The following RIMS2 variants were observed in gnomAD, a reference collection of about 807,000 sequenced individuals.
The protein encoded by RIMS2 is regulating synaptic membrane exocytosis protein 2.
Under a neutral mutation model 174.4 loss-of-function variants are expected in RIMS2, and 59 were observed. The observed-to-expected ratio is 0.34, with a 90% CI of 0.27 to 0.42. The LOEUF is 0.42. Ranked by LOEUF, RIMS2 falls within the 10% of genes least tolerant of loss-of-function variation. RIMS2 has a pLI of 1.00. For missense variants in RIMS2, 1,620 were observed against 1,666.3 expected (o/e 0.97, Z 0.48); for synonymous variants, 606 against 572.5 (o/e 1.06, Z -0.84).
chr8:104,205,932 T>G (rs1320229353), intron 19 of RIMS2, among the ~76,000 whole-genome samples: 5 of 152,026 alleles, frequency 3.3e-5, no homozygotes, highest in South Asian at 2.1e-4. Flanking sequence ...ATTTTTATAT[T>G]TTTAGTAGAG....
At chr8:103,776,991 A>G (rs2098325595) in intron 3 of RIMS2, among the ~76,000 whole-genome samples, 1 of 152,130 alleles carries the variant, frequency 6.6e-6, no homozygotes, top group Non-Finnish European at 1.5e-5. Flanking sequence ...GACATTTTAA[A>G]AGGCATTTTA....
intron 1 of RIMS2, among the ~76,000 whole-genome samples, chr8:103,619,744 T>G (rs1390567270): frequency 6.6e-6 from 1 of 152,046 alleles, no homozygotes; most frequent in Non-Finnish European, 1.5e-5. Context: ...ACCTCTACCA[T>G]CAGTACTCAA....
chr8:104,018,856 C>CTG (rs1166038676), intron 19 of RIMS2, among the ~76,000 whole-genome samples: 3 of 152,140 alleles, frequency 2.0e-5, no homozygotes, highest in Non-Finnish European at 4.4e-5. Flanking sequence ...CAATATTACT[C>CTG]TAACATTTAT....
At chr8:103,626,156 A>C (rs1021673942) in intron 1 of RIMS2, among the ~76,000 whole-genome samples, 1 of 152,152 alleles carries the variant, frequency 6.6e-6, no homozygotes, top group African/African-American at 2.4e-5. Context: ...ATTTAAATAT[A>C]TATGTTAACT....
chr8:103,594,637 T>G (rs2094413915), intron 1 of RIMS2, among the ~76,000 whole-genome samples: 2 of 151,790 alleles, frequency 1.3e-5, no homozygotes, highest in South Asian at 4.1e-4. Flanking sequence ...ATCAACTGTA[T>G]TTGTGTTCTC....
chr8:104,013,891 T>G (rs959039563), intron 18 of RIMS2, among the ~76,000 whole-genome samples: 3 of 152,234 alleles, frequency 2.0e-5, no homozygotes, highest in Non-Finnish European at 1.5e-5. Context: ...TCATTAACTG[T>G]CATGTTCCTC....
rs982834743 is a variant in RIMS2 at position 104,077,585 on chromosome 8, G to C, written c.3334+62970G>C. Among the ~76,000 whole-genome samples, 5 of 149,740 alleles carry C rather than the reference G, an allele frequency of 3.3e-5. No homozygotes were observed. In the South Asian group the frequency reaches 1.1e-3, roughly 32 times the overall value. ...ATCTAAATATCTGTCTATTGGTATA[G>C]ATATACCTGTAGGCAGATATAAAAT... On this transcript the variant is annotated intron_variant, in intron 19 of 23. Transcript: ENST00000504942.
chr8:104,060,053 C>T (rs910211561), intron 19 of RIMS2, among the ~76,000 whole-genome samples: 143 of 151,728 alleles, frequency 9.4e-4, no homozygotes, highest in African/African-American at 3.3e-3. Flanking sequence ...TGTCTCTGCC[C>T]GGCTTTGGTA....
chr8:103,789,423 G>A (rs1050211704), intron 3 of RIMS2, among the ~76,000 whole-genome samples: 1 of 152,090 alleles, frequency 6.6e-6, no homozygotes, highest in African/African-American at 2.4e-5. Flanking sequence ...CCTAGGGCCT[G>A]ATAAAATTAA....
intron 3 of RIMS2, among the ~76,000 whole-genome samples, chr8:103,785,963 A>T (rs1406277869): frequency 6.6e-6 from 1 of 152,202 alleles, no homozygotes; most frequent in Admixed American, 6.5e-5. Context: ...TTATTGGTGT[A>T]TTCAGAGATT....
chr8:103,686,198 A>T (rs2096938410), intron 1 of RIMS2, among the ~76,000 whole-genome samples: 1 of 152,048 alleles, frequency 6.6e-6, no homozygotes, highest in African/African-American at 2.4e-5. Flanking sequence ...ACCTTGCTAA[A>T]TTCATTTATT....
intron 10 of RIMS2, among the ~76,000 whole-genome samples, chr8:103,924,004 C>G (rs1197034511): frequency 1.3e-5 from 2 of 151,614 alleles, no homozygotes; most frequent in African/African-American, 4.8e-5. Flanking sequence ...TTTAATACTT[C>G]ATTGCAACCT....
chr8:104,116,764 T>G (rs1319604212), intron 19 of RIMS2, among the ~76,000 whole-genome samples: 1 of 152,104 alleles, frequency 6.6e-6, no homozygotes, highest in Non-Finnish European at 1.5e-5. Flanking sequence ...TAAGAATAAT[T>G]TGGAAAGGTA....
At chr8:104,142,220 C>T (rs1331991058) in intron 19 of RIMS2, among the ~76,000 whole-genome samples, 4 of 151,048 alleles carry the variant, frequency 2.6e-5, no homozygotes, top group Admixed American at 1.3e-4. Flanking sequence ...CTCCGCCTCC[C>T]GGGTTCAAGC....
At position 103,524,615 on chromosome 8, in the gene RIMS2, G is replaced by A. The variant is rs1833133695; in HGVS notation, c.176+23553G>A. 2.0e-5 allele frequency among the ~76,000 whole-genome samples: 3 copies of A among 152,150 alleles called. No individual in the cohort carries two copies. In the South Asian group the frequency reaches 6.2e-4, roughly 32 times the overall value. ...CAGCTAATGAGTACTATGATGCTAA[G>A]GTTGTTGGAGTACTACTGCTACCCT... On this transcript the variant is annotated intron_variant, in intron 1 of 23. Coordinates refer to ENST00000504942, the Ensembl canonical transcript of RIMS2.
chr8:103,674,680 C>T (rs191778230), intron 1 of RIMS2, among the ~76,000 whole-genome samples: 3 of 151,996 alleles, frequency 2.0e-5, no homozygotes, highest in Non-Finnish European at 4.4e-5. Context: ...GTTATAATTA[C>T]ACACATTAAC....
intron 19 of RIMS2, among the ~76,000 whole-genome samples, chr8:104,184,228 A>T (rs1165967383): frequency 6.6e-6 from 1 of 151,702 alleles, no homozygotes; most frequent in African/African-American, 2.4e-5. Context: ...GAAATGTAAG[A>T]CATAGTATTT....
At chr8:104,173,768 A>G (rs535248440) in intron 19 of RIMS2, among the ~76,000 whole-genome samples, 1 of 150,612 alleles carries the variant, frequency 6.6e-6, no homozygotes, top group East Asian at 2.0e-4. Flanking sequence ...AGCTGGGACT[A>G]CAGGCACCCG....
At chr8:103,807,685 A>T (rs964880335) in intron 3 of RIMS2, among the ~76,000 whole-genome samples, 1 of 152,162 alleles carries the variant, frequency 6.6e-6, no homozygotes, top group African/African-American at 2.4e-5. Flanking sequence ...AATAGACTAA[A>T]GAGTAAATAA....
Sources: allele counts gnomAD v4.1 joint callset (sites outside exome capture counted in the v4.1 genomes callset), GRCh38; gene constraint gnomAD v4.1.1; transcripts MANE v1.5; gene names NCBI Gene and HGNC (gene_info 2026-07-23, HGNC 2026-07-21).